Variants in SAXO2 observed in about 807,000 individuals in gnomAD.
SAXO2 encodes the protein stabilizer of axonemal microtubules 2.
Under a neutral mutation model 18.7 loss-of-function variants are expected in SAXO2, and 17 were observed. That is an observed-to-expected ratio of 0.91 (90% CI 0.62 to 1.36). The LOEUF is 1.36. SAXO2 is among the 40% of genes most tolerant of loss of function. The pLI, the probability that SAXO2 is intolerant of heterozygous loss-of-function variation, is 0.00. For missense variants in SAXO2, 486 were observed against 562.6 expected (o/e 0.86, Z 1.38); for synonymous variants, 163 against 181.2 (o/e 0.90, Z 0.81).
At chr15:82,276,153 C>T (rs1306542525) in intron 3 of SAXO2, among the ~76,000 whole-genome samples, 2 of 152,012 alleles carry the variant, frequency 1.3e-5, no homozygotes, top group Non-Finnish European at 2.9e-5. Context: ...TTTATAATAG[C>T]CATACACACT....
intron 3 of SAXO2, among the ~76,000 whole-genome samples, chr15:82,276,104 A>T (rs2075312595): frequency 6.6e-6 from 1 of 152,168 alleles, no homozygotes; most frequent in South Asian, 2.1e-4. Context: ...ATACACCAAT[A>T]ATCTTCAAGC....
Position 82,282,842 on chromosome 15 carries a change from A to G in SAXO2, c.1157A>G (p.His386Arg). The stretch of plus-strand genomic sequence containing the variant: ...ACTTTCAGATCTCACTATGTGCCAC[A>G]TGAATTGATCCCAACAGAGAGTTGC... ...LSTFRSHYVP[H>R]ELIPTESCKP... Residue 386 changes from histidine to arginine, a missense_variant, in exon 4 of 4, where the codon CAT becomes CGT. Transcript: ENST00000682753. 3 of 1,613,950 alleles carry G rather than the reference A, an allele frequency of 1.9e-6. No homozygotes were observed. The highest frequency in any genetic ancestry group is 2.2e-5 in the South Asian group (2 of 91,034).
At chr15:82,271,080 C>G (rs1218511006) in intron 2 of SAXO2, among the ~76,000 whole-genome samples, 1 of 152,208 alleles carries the variant, frequency 6.6e-6, no homozygotes, top group African/African-American at 2.4e-5. Context: ...AATCTATAAT[C>G]TGAATGTGAT....
intron 2 of SAXO2, among the ~76,000 whole-genome samples, chr15:82,268,564 C>A (rs1281397536): frequency 1.3e-5 from 2 of 152,220 alleles, no homozygotes; most frequent in Non-Finnish European, 2.9e-5. Flanking sequence ...GCTTGACTCT[C>A]TCATGTTGGC....
chr15:82,263,358 G>C lies in SAXO2; in HGVS notation c.53+426G>C, dbSNP rs756032499. 79 of 799,264 alleles carry C rather than the reference G, an allele frequency of 9.9e-5. No individual in the cohort carries two copies. The African/African-American group carries it at 1.1e-3, about 11-fold the overall frequency. 49.5% of individuals were successfully genotyped at this position (799,264 alleles called of 1,614,324 possible). On this transcript the variant is annotated intron_variant, in intron 1 of 3. Transcript: ENST00000682753. ...CATATCACATTTTCTTTCATCTGTA[G>C]CTTTCTGTCCTCCCAGCCAGACCAT...
At chr15:82,273,824 G>A (rs969848832) in intron 3 of SAXO2, among the ~76,000 whole-genome samples, 14 of 151,942 alleles carry the variant, frequency 9.2e-5, no homozygotes, top group Admixed American at 7.9e-4. Flanking sequence ...TGCAACCTCC[G>A]CCTCCCGGGT....
In SAXO2 at chr15:82,272,610, T is replaced by C. The variant is rs56029996; in HGVS notation, c.433+808T>C. Among the ~76,000 whole-genome samples, 1,050 of 152,234 alleles carry C rather than the reference T, an allele frequency of 6.9e-3. 9 individuals carry two copies. The highest frequency in any genetic ancestry group is 8.2e-3 in the Non-Finnish European group (556 of 68,012). On this transcript the variant is annotated intron_variant, in intron 3 of 3. Transcript: ENST00000682753. ...AGGCTGGAGTGCAGTGGCACGATCTTGGCCCACTGCAACCTCCACCTCCTG... is the reference window on the plus strand; with the variant it reads ...AGGCTGGAGTGCAGTGGCACGATCTCGGCCCACTGCAACCTCCACCTCCTG...
In SAXO2 at chr15:82,282,666, G is replaced by A; in HGVS notation, c.981G>A (p.Arg327=). Residue 327 remains arginine (R), a synonymous_variant, in exon 4 of 4, where the codon AGG becomes AGA. Coordinates refer to ENST00000682753, the MANE Select transcript of SAXO2 (RefSeq NM_001348699.2). ...AGGCCAACCATGTTGTTCCCATCAG[G>A]CCAGTTTCTCAAAAAAGAAGTAACA... is the stretch of plus-strand genomic sequence containing the variant. ...PYQANHVVPI[R]PVSQKRSNNF... 6.2e-7 allele frequency: 1 copy of A among 1,614,050 alleles called. No homozygotes were observed. The highest frequency in any genetic ancestry group is 8.5e-7 in the Non-Finnish European group (1 of 1,179,990).
chr15:82,263,901 G>C (rs2075172486), intron 1 of SAXO2, among the ~76,000 whole-genome samples: 1 of 151,996 alleles, frequency 6.6e-6, no homozygotes, highest in South Asian at 2.1e-4. Context: ...GTGGTTGTTA[G>C]TTTTGTCTTT....
chr15:82,280,907 A>G (rs2075357227), intron 3 of SAXO2, among the ~76,000 whole-genome samples: 1 of 152,212 alleles, frequency 6.6e-6, no homozygotes, highest in African/African-American at 2.4e-5. Flanking sequence ...TTCTTGAGTC[A>G]GGTACACGCT....
At chr15:82,268,210 A>T (rs2075237760) in intron 2 of SAXO2, among the ~76,000 whole-genome samples, 1 of 152,108 alleles carries the variant, frequency 6.6e-6, no homozygotes, top group African/African-American at 2.4e-5. Flanking sequence ...CATATTAGAG[A>T]TTTGAAATAA....
At chr15:82,277,318 T>C (rs757423590) in intron 3 of SAXO2, among the ~76,000 whole-genome samples, 12 of 152,170 alleles carry the variant, frequency 7.9e-5, no homozygotes, top group Non-Finnish European at 1.5e-4. Flanking sequence ...AATATTGTGA[T>C]TAAAATTCAA....
At chr15:82,273,157 C>T (rs948044071) in intron 3 of SAXO2, among the ~76,000 whole-genome samples, 1 of 152,128 alleles carries the variant, frequency 6.6e-6, no homozygotes, top group Non-Finnish European at 1.5e-5. Flanking sequence ...GCACCCACTT[C>T]GGCCTCCCAA....
chr15:82,284,193 A>G lies in SAXO2; in HGVS notation c.*1131A>G, dbSNP rs1161974434. 1 of 152,062 alleles carries G rather than the reference A, an allele frequency of 6.6e-6. No individual in the cohort carries two copies. The highest frequency in any genetic ancestry group is 6.5e-5 in the Admixed American group (1 of 15,270). The allele number at this position is 152,062 out of a possible 1,614,324, so 9.4% of individuals were successfully genotyped here. On this transcript the variant is annotated 3_prime_UTR_variant, in exon 4 of 4. Coordinates refer to ENST00000682753, the MANE Select transcript of SAXO2 (RefSeq NM_001348699.2). ...TTTTGTACTTGTTTTCTCCTTTTCA[A>G]ATTAGGATAATTACTTACTCAATGC...
At chr15:82,265,832 A>T in intron 2 of SAXO2, 84 bp downstream of exon 2, 2 of 1,088,560 alleles carry the variant, frequency 1.8e-6, no homozygotes, top group Non-Finnish European at 2.5e-6. Flanking sequence ...ATTTAAATTG[A>T]ACTGTTCAGT....
chr15:82,276,437 C>T (rs1596035923), intron 3 of SAXO2, among the ~76,000 whole-genome samples: 1 of 152,114 alleles, frequency 6.6e-6, no homozygotes, highest in South Asian at 2.1e-4. Context: ...AGAGGCATTA[C>T]ATCTCCTGAC....
intron 2 of SAXO2, 50 bp downstream of exon 2, chr15:82,265,798 T>C (rs1482049229): frequency 1.4e-6 from 2 of 1,401,648 alleles, no homozygotes; most frequent in Non-Finnish European, 1.9e-6. Flanking sequence ...TCAACTCTTC[T>C]GGTGTCAATA....
rs181866116 is a variant in SAXO2 at position 82,265,711 on chromosome 15, G to A, written c.196G>A (p.Ala66Thr). The change falls in exon 2 of 4, where the codon GCA (alanine) becomes ACA (threonine). Residue 66 changes from alanine to threonine, a missense_variant. Physicochemically the swap from Ala to Thr is moderately conservative, Grantham distance 58. Coordinates refer to ENST00000682753, the MANE Select transcript of SAXO2 (RefSeq NM_001348699.2). ...TCTTAAAGCCAAGCAAGAAATTCGAGCATGCCATGGTAAAATGGAAGGAAT... is the reference window on the plus strand; with the variant it reads ...TCTTAAAGCCAAGCAAGAAATTCGAACATGCCATGGTAAAATGGAAGGAAT... ...QSLKAKQEIR[A>T]CHGKMEGITT... The A allele has an allele frequency of 1.0e-4, 155 of 1,529,394 alleles. 1 individual carries two copies. The African/African-American group carries it at 1.7e-3, about 17-fold the overall frequency. 94.7% of individuals were successfully genotyped at this position (1,529,394 alleles called of 1,614,324 possible). A position where few individuals can be genotyped will look rare whatever the true frequency, so the allele number is the denominator to read the frequency against.
At position 82,271,795 on chromosome 15, in the gene SAXO2, C is replaced by G; in HGVS notation, c.426C>G (p.Thr142=). ...VKKGKLDTVP[T]YKDDYRAWDL... Reference sequence around the variant, plus strand: ...AAGGAAAATTGGACACTGTCCCAACCTATAAAGGTAACTTGCTGTTTCATA... The same window carrying G: ...AAGGAAAATTGGACACTGTCCCAACGTATAAAGGTAACTTGCTGTTTCATA... Residue 142 remains threonine (T), a synonymous_variant, in exon 3 of 4, where the codon ACC becomes ACG. Transcript: ENST00000682753. 1 of 1,611,158 alleles carries G rather than the reference C, an allele frequency of 6.2e-7. No homozygotes were observed. Among genetic ancestry groups the G allele is most frequent in the Non-Finnish European group, 8.5e-7 (1 of 1,179,260 alleles).
Sources: allele counts gnomAD v4.1 joint callset (sites outside exome capture counted in the v4.1 genomes callset), GRCh38; gene constraint gnomAD v4.1.1; transcripts MANE v1.5; gene names NCBI Gene and HGNC (gene_info 2026-07-23, HGNC 2026-07-21).